Variants in FBXL20 observed in about 807,000 individuals in gnomAD.
FBXL20 encodes F-box and leucine rich repeat protein 20.
A neutral mutation model predicts 64.0 loss-of-function variants in FBXL20; 11 were observed. The ratio of observed to expected loss-of-function variants is 0.17; its 90% confidence interval spans 0.11 to 0.28. The LOEUF (loss-of-function observed/expected upper bound fraction) is 0.28. Ranked by LOEUF, FBXL20 falls within the 10% of genes least tolerant of loss-of-function variation. The pLI is 1.00. For synonymous variants in FBXL20, 184 were observed against 189.0 expected, an observed-to-expected ratio of 0.97 and a Z score of 0.22; for missense variants, 303 against 526.2, an observed-to-expected ratio of 0.58 and a Z score of 4.15.
chr17:39,259,459 G>A lies in FBXL20; in HGVS notation c.*2001C>T, dbSNP rs1264319228. On this transcript the variant is annotated 3_prime_UTR_variant, in exon 15 of 15. Transcript: ENST00000264658. The stretch of plus-strand genomic sequence containing the variant: ...AATCACACTGGGTTTCTAATCTTGG[G>A]GTTTAGAAATTTTCTTCTTATGCTT... The A allele has an allele frequency of 6.6e-6, 1 of 151,920 alleles. No individual in the cohort carries two copies. Among genetic ancestry groups the A allele is most frequent in the African/African-American group, 2.4e-5 (1 of 41,334 alleles). The allele number at this position is 151,920 out of a possible 1,614,324, so 9.4% of individuals were successfully genotyped here.
At chr17:39,352,135 A>C (rs2047693420) in intron 1 of FBXL20, among the ~76,000 whole-genome samples, 1 of 152,166 alleles carries the variant, frequency 6.6e-6, no homozygotes, top group Non-Finnish European at 1.5e-5. Context: ...AACATAATAC[A>C]TTTATTTAAA....
At position 39,258,542 on chromosome 17, in the gene FBXL20, C is replaced by T. The variant is rs555362251; in HGVS notation, c.*2918G>A. 9.2e-5 allele frequency: 14 copies of T among 152,302 alleles called. No homozygotes were observed. In the South Asian group the frequency reaches 2.7e-3, roughly 29 times the overall value. The allele number at this position is 152,302 out of a possible 1,614,324, so 9.4% of individuals were successfully genotyped here. The stretch of plus-strand genomic sequence containing the variant: ...TGGAATTTGCCTTAATAGCAGAGAT[C>T]ACCAGAGCAAGTCCCCATGGACCTG... On this transcript the variant is annotated 3_prime_UTR_variant, in exon 15 of 15. Transcript: ENST00000264658.
intron 2 of FBXL20, 38 bp downstream of exon 2, chr17:39,343,142 C>T (rs1476839236): frequency 7.4e-6 from 11 of 1,483,552 alleles, no homozygotes; most frequent in Non-Finnish European, 9.1e-6. Context: ...ATATGACATA[C>T]ACATAAAAAA....
chr17:39,285,879 T>C (rs2046984332), intron 6 of FBXL20, among the ~76,000 whole-genome samples: 1 of 152,236 alleles, frequency 6.6e-6, no homozygotes, highest in Non-Finnish European at 1.5e-5. Context: ...AAGAGATCTA[T>C]ATGCATTTTG....
At chr17:39,402,397 GA>G, upstream of FBXL20, 1 of 410,860 alleles carries the variant, frequency 2.4e-6, no homozygotes, top group Non-Finnish European at 4.2e-6. Context: ...CATGGCTCGG[GA>G]GGGCGAGGGT....
rs549414490 is a variant in FBXL20 at position 39,274,203 on chromosome 17, G to T, written c.827+767C>A. On this transcript the variant is annotated intron_variant, in intron 10 of 14. Transcript: ENST00000264658. ...AATTAGTATTTGTAAAGCACCTAAA[G>T]CAACACCTAATTTACAAGTACTATG... Among the ~76,000 whole-genome samples, 3 of 152,260 alleles carry T rather than the reference G, an allele frequency of 2.0e-5. No homozygotes were observed. The South Asian group carries it at 6.2e-4, about 32-fold the overall frequency.
At position 39,299,025 on chromosome 17, in the gene FBXL20, A is replaced by G; in HGVS notation, c.294T>C (p.Leu98=). 5.0e-6 allele frequency: 8 copies of G among 1,613,982 alleles called. No individual in the cohort carries two copies. Among genetic ancestry groups the G allele is most frequent in the Non-Finnish European group, 6.8e-6 (8 of 1,179,964 alleles). Residue 98 remains leucine, a synonymous_variant, in exon 5 of 15, where the codon CTT becomes CTC. Transcript: ENST00000264658. ...TGTCTCCCACTCCAAGACATCCACG[A>G]AGACTTAACTTTCGTAAAAAGCCCC... ...RCGGFLRKLS[L]RGCLGVGDNA...
intron 1 of FBXL20, among the ~76,000 whole-genome samples, chr17:39,345,549 A>ATT (rs1402477420): frequency 6.1e-5 from 8 of 132,014 alleles, no homozygotes; most frequent in African/African-American, 2.9e-4. Context: ...TAATTTTAAT[A>ATT]ATTTTTTTTT....
chr17:39,350,857 G>C lies in FBXL20; in HGVS notation c.43-7616C>G, dbSNP rs984237513. Among the ~76,000 whole-genome samples the C allele has an allele frequency of 8.5e-5, 13 of 152,216 alleles. 1 individual carries two copies. The highest frequency in any genetic ancestry group is 2.4e-4 in the African/African-American group (10 of 41,540). On this transcript the variant is annotated intron_variant, in intron 1 of 14. Transcript: ENST00000264658. ...CCTAGACCTGTAGAATCAAAGACTG[G>C]GGGTAGGTGGGCAGGAGAGAAAATG... is the stretch of plus-strand genomic sequence containing the variant.
At chr17:39,289,935 G>T (rs1441026697) in intron 6 of FBXL20, among the ~76,000 whole-genome samples, 1 of 139,332 alleles carries the variant, frequency 7.2e-6, no homozygotes, top group Non-Finnish European at 1.5e-5. Flanking sequence ...GGAGGCAGAG[G>T]TTGCAGTTAG....
chr17:39,338,647 A>G (rs995220130), intron 2 of FBXL20, among the ~76,000 whole-genome samples: 2 of 152,218 alleles, frequency 1.3e-5, no homozygotes, highest in African/African-American at 4.8e-5. Flanking sequence ...TGCAGTGGAT[A>G]AGCTAAAAGA....
intron 12 of FBXL20, among the ~76,000 whole-genome samples, chr17:39,267,919 A>G (rs1252563141): frequency 6.6e-6 from 1 of 152,200 alleles, no homozygotes; most frequent in Non-Finnish European, 1.5e-5. Flanking sequence ...GTGCCTATAA[A>G]ACAAAAAATT....
intron 2 of FBXL20, among the ~76,000 whole-genome samples, chr17:39,322,146 T>G (rs1281181996): frequency 5.2e-5 from 6 of 116,364 alleles, no homozygotes. Flanking sequence ...GAAAACATAG[T>G]GAGACACTAT....
chr17:39,382,461 AATAG>A (rs2048034236), intron 1 of FBXL20, among the ~76,000 whole-genome samples: 1 of 140,810 alleles, frequency 7.1e-6, no homozygotes, highest in African/African-American at 2.8e-5. Context: ...AAAAAAAAAA[AATAG>A]ATGAAAGGAA....
At chr17:39,284,744 C>T (rs2046974577) in intron 7 of FBXL20, among the ~76,000 whole-genome samples, 3 of 152,082 alleles carry the variant, frequency 2.0e-5, no homozygotes, top group Admixed American at 2.0e-4. Context: ...AGCTGTCATT[C>T]TTATAACATG....
chr17:39,344,048 G>C (rs2047608431), intron 1 of FBXL20, among the ~76,000 whole-genome samples: 1 of 152,070 alleles, frequency 6.6e-6, no homozygotes, highest in Non-Finnish European at 1.5e-5. Flanking sequence ...ATTTTTAGTA[G>C]AGGTGGAGTT....
At chr17:39,322,266 C>T (rs1271687441) in intron 2 of FBXL20, among the ~76,000 whole-genome samples, 1 of 145,096 alleles carries the variant, frequency 6.9e-6, no homozygotes, top group Admixed American at 7.0e-5. Flanking sequence ...TTTTAAAATA[C>T]TTTGAGACTA....
intron 5 of FBXL20, among the ~76,000 whole-genome samples, chr17:39,297,762 ATCTC>A (rs1171770917): frequency 6.6e-6 from 1 of 151,904 alleles, no homozygotes. Context: ...TTGAGATGGA[ATCTC>A]TCTCTGTCAC....
At chr17:39,391,055 C>A (rs1356432052) in intron 1 of FBXL20, among the ~76,000 whole-genome samples, 1 of 151,956 alleles carries the variant, frequency 6.6e-6, no homozygotes, top group African/African-American at 2.4e-5. Context: ...AAAAAAAGAT[C>A]ATTAGTTGTA....
Sources: gnomAD v4.1 joint callset for allele counts (sites outside exome capture counted in the v4.1 genomes callset) on GRCh38, gnomAD v4.1.1 for gene constraint, MANE v1.5 for transcripts, NCBI Gene and HGNC (gene_info 2026-07-23, HGNC 2026-07-21) for gene names.